The following KALRN variants were observed in gnomAD, a reference collection of about 807,000 sequenced individuals.
The protein encoded by KALRN is kalirin.
A neutral mutation model predicts 353.7 loss-of-function variants in KALRN; 70 were observed. The observed-to-expected ratio is 0.20, with a 90% CI of 0.16 to 0.24. KALRN has a LOEUF of 0.24. KALRN is among the 10% of genes least tolerant of loss of function. The pLI, the probability that KALRN is intolerant of heterozygous loss-of-function variation, is 1.00. For synonymous variants in KALRN, 1,391 were observed against 1,434.8 expected (o/e 0.97, Z 0.69); for missense variants, 2,791 against 3,756.7 (o/e 0.74, Z 6.72).
At position 124,329,821 on chromosome 3, in the gene KALRN, C is replaced by T. The variant is rs561299189; in HGVS notation, c.1285-40C>T. 4.4e-5 allele frequency: 71 copies of T among 1,599,604 alleles called. 1 individual carries two copies. In the South Asian group the frequency reaches 5.7e-4, roughly 13 times the overall value. On this transcript the variant is annotated intron_variant, in intron 7 of 59. Transcript: ENST00000682506. ...CCATAATCCACCCAACTCCTCACCC[C>T]CAGTGCTCCCCCACTGATCCACCCT...
intron 33 of KALRN, chr3:124,518,731 G>A: frequency 7.2e-7 from 1 of 1,389,552 alleles, no homozygotes; most frequent in Non-Finnish European, 9.3e-7. Context: ...GGGCAGTAGG[G>A]ACCTGTGAGA....
chr3:124,688,343 A>G (rs1457411048), intron 51 of KALRN, among the ~76,000 whole-genome samples: 1 of 151,768 alleles, frequency 6.6e-6, no homozygotes, highest in Admixed American at 6.6e-5. Context: ...AGAGGTAGGA[A>G]TATTTTCTAA....
rs71145471 is a variant in KALRN at position 124,642,806 on chromosome 3, G to GTT, written c.5664+5522_5664+5523dup. 6.0e-4 allele frequency among the ~76,000 whole-genome samples: 58 copies of GTT among 96,814 alleles called. 2 individuals are homozygous for GTT. Among genetic ancestry groups the GTT allele is most frequent in the African/African-American group, 1.3e-3 (30 of 22,310 alleles). The allele number at this position is 96,814 out of a possible 152,430, so 63.5% of individuals were successfully genotyped here. ...TCTGTGGAAGAGATTCCCAAGCCTCGTTTTTTTTTTTTTTTTTTTTGAGAC... is the reference window on the plus strand; with the variant it reads ...TCTGTGGAAGAGATTCCCAAGCCTCGTTTTTTTTTTTTTTTTTTTTTTGAGAC... On this transcript the variant is annotated intron_variant, in intron 37 of 59. Transcript: ENST00000682506.
rs149143108 is a variant in KALRN, at chr3:124,501,578, A to G, written c.4935+5165A>G. Reference sequence around the variant, plus strand: ...AGCCGTAGCATGACGCCAGTTAACAAGAGGCAGGGCAGCCTGGCTGCAGGA... The same window carrying G: ...AGCCGTAGCATGACGCCAGTTAACAGGAGGCAGGGCAGCCTGGCTGCAGGA... On this transcript the variant is annotated intron_variant, in intron 33 of 59. Coordinates refer to ENST00000682506, the MANE Select transcript of KALRN (RefSeq NM_001388419.1). Among the ~76,000 whole-genome samples, 12 of 152,328 alleles carry G rather than the reference A, an allele frequency of 7.9e-5. No individual in the cohort carries two copies. In the East Asian group the frequency reaches 2.3e-3, roughly 29 times the overall value.
intron 1 of KALRN, among the ~76,000 whole-genome samples, chr3:124,034,081 C>G (rs1034168033): frequency 4.6e-5 from 7 of 152,162 alleles, no homozygotes; most frequent in Non-Finnish European, 2.9e-5. Flanking sequence ...GAGGCGGTCC[C>G]CTCGGACCGC....
At chr3:124,689,207 TC>T (rs1166937615) in intron 51 of KALRN, among the ~76,000 whole-genome samples, 2 of 152,188 alleles carry the variant, frequency 1.3e-5, no homozygotes, top group African/African-American at 4.8e-5. Flanking sequence ...GTCTATGTTT[TC>T]TTTTTTTTAT....
chr3:124,447,180 T>C (rs2093868068), intron 21 of KALRN, among the ~76,000 whole-genome samples: 1 of 152,140 alleles, frequency 6.6e-6, no homozygotes, highest in Non-Finnish European at 1.5e-5. Flanking sequence ...TCAGACCAAA[T>C]CAGGGAAAAG....
intron 33 of KALRN, among the ~76,000 whole-genome samples, chr3:124,509,078 T>C (rs1577568034): frequency 1.3e-5 from 2 of 152,352 alleles, no homozygotes; most frequent in East Asian, 3.9e-4. Flanking sequence ...GTATGTAATA[T>C]GTTTCACCCT....
intron 10 of KALRN, among the ~76,000 whole-genome samples, chr3:124,363,375 A>G (rs1374839329): frequency 3.3e-5 from 5 of 152,172 alleles, no homozygotes; most frequent in East Asian, 3.8e-4. Flanking sequence ...TAATATTTGG[A>G]TGGGAGGCCA....
chr3:124,470,802 C>T (rs543597335), intron 25 of KALRN, among the ~76,000 whole-genome samples: 11 of 152,116 alleles, frequency 7.2e-5, no homozygotes, highest in Non-Finnish European at 1.0e-4. Flanking sequence ...GATACTCGCC[C>T]CAAAAGTGCT....
chr3:124,320,811 C>G (rs1426654261), intron 6 of KALRN, among the ~76,000 whole-genome samples: 1 of 152,200 alleles, frequency 6.6e-6, no homozygotes, highest in Non-Finnish European at 1.5e-5. Flanking sequence ...CAATTCTGGG[C>G]TCCAGACCTT....
intron 13 of KALRN, among the ~76,000 whole-genome samples, chr3:124,406,813 C>G (rs530998984): frequency 6.7e-6 from 1 of 148,398 alleles, no homozygotes; most frequent in Non-Finnish European, 1.5e-5. Flanking sequence ...AATTGTGTGG[C>G]CTTAAGCAAG....
intron 33 of KALRN, among the ~76,000 whole-genome samples, chr3:124,537,409 A>G (rs1217729355): frequency 6.6e-6 from 1 of 152,172 alleles, no homozygotes; most frequent in Non-Finnish European, 1.5e-5. Flanking sequence ...GACAAATACC[A>G]TCCAAGGCAA....
chr3:124,462,660 G>A (rs771742428), intron 25 of KALRN, 27 bp downstream of exon 25: 7 of 1,309,748 alleles, frequency 5.3e-6, no homozygotes, highest in Non-Finnish European at 3.3e-6. Context: ...TCTCAGAGGT[G>A]CACACTTAGG....
intron 59 of KALRN, 37 bp downstream of exon 59, chr3:124,717,422 C>A (rs779139469): frequency 8.6e-6 from 13 of 1,516,384 alleles, no homozygotes; most frequent in Admixed American, 7.9e-5. Context: ...CGCAGTGGCT[C>A]ACGCCTGAAA....
chr3:124,638,631 C>A (rs906082860), intron 37 of KALRN, among the ~76,000 whole-genome samples: 1 of 151,904 alleles, frequency 6.6e-6, no homozygotes, highest in Non-Finnish European at 1.5e-5. Flanking sequence ...GCCCTGAATT[C>A]ATTCCTGGAG....
At chr3:124,280,597 A>G (rs1397694154) in intron 5 of KALRN, among the ~76,000 whole-genome samples, 1 of 152,178 alleles carries the variant, frequency 6.6e-6, no homozygotes, top group Non-Finnish European at 1.5e-5. Context: ...TTTTGGTCCC[A>G]CTTGCACAGG....
At chr3:124,297,513 C>T (rs1026392970) in intron 5 of KALRN, among the ~76,000 whole-genome samples, 14 of 152,316 alleles carry the variant, frequency 9.2e-5, no homozygotes, top group African/African-American at 3.4e-4. Context: ...GTTGAGTTTC[C>T]AGGTCCTCAC....
intron 1 of KALRN, among the ~76,000 whole-genome samples, chr3:124,069,216 A>G (rs2042631806): frequency 6.6e-6 from 1 of 152,076 alleles, no homozygotes; most frequent in African/African-American, 2.4e-5. Context: ...TAAGTGGCAG[A>G]GCTAAGACTT....
Sources: allele counts gnomAD v4.1 joint callset (sites outside exome capture counted in the v4.1 genomes callset), GRCh38; gene constraint gnomAD v4.1.1; transcripts MANE v1.5; gene names NCBI Gene and HGNC (gene_info 2026-07-23, HGNC 2026-07-21).